The following CTNNA2 variants were observed in gnomAD, a reference collection of about 807,000 sequenced individuals.
The protein encoded by CTNNA2 is catenin alpha 2.
A neutral mutation model predicts 101.0 loss-of-function variants in CTNNA2; 42 were observed. The ratio of observed to expected loss-of-function variants is 0.42; its 90% CI spans 0.32 to 0.54. The LOEUF (loss-of-function observed/expected upper bound fraction) is 0.54, where lower values mean the gene tolerates loss of function less well. Ranked by LOEUF, CTNNA2 falls within the 20% of genes least tolerant of loss-of-function variation. The probability of loss-of-function intolerance (pLI) is 0.14; values close to 1 mark genes in which losing one functional copy is unlikely to be tolerated. For missense variants in CTNNA2, 871 were observed against 1,223.1 expected (o/e 0.71, Z 4.29); for synonymous variants, 450 against 456.4 (o/e 0.99, Z 0.18).
intron 8 of CTNNA2, among the ~76,000 whole-genome samples, chr2:80,417,228 GATAAC>G (rs1680122665): frequency 6.6e-6 from 1 of 150,990 alleles, no homozygotes; most frequent in African/African-American, 2.4e-5. Context: ...ATTAAATTAA[GATAAC>G]ATATTAATCA....
intron 7 of CTNNA2, among the ~76,000 whole-genome samples, chr2:80,038,317 GA>G (rs34177810): frequency 0.023 from 3,430 of 151,546 alleles, 131 homozygotes; most frequent in African/African-American, 0.078. Flanking sequence ...TATAATTAAA[GA>G]AAAAAAAACT....
chr2:80,557,575 C>T lies in CTNNA2; in HGVS notation c.1741+1682C>T, dbSNP rs558793621. Among the ~76,000 whole-genome samples the T allele has an allele frequency of 2.7e-3, 404 of 152,168 alleles. 3 individuals are homozygous for T. Among genetic ancestry groups the T allele is most frequent in the African/African-American group, 9.4e-3 (392 of 41,492 alleles). ...CCTAGAGACAGGACTCAGTTCCTGC[C>T]CACTCATGACTGGTGGGAAGGACAC... On this transcript the variant is annotated intron_variant, in intron 12 of 18. Coordinates refer to ENST00000402739, the MANE Select transcript of CTNNA2 (RefSeq NM_001282597.3).
intron 7 of CTNNA2, among the ~76,000 whole-genome samples, chr2:80,137,254 G>A (rs1225984431): frequency 6.6e-6 from 1 of 152,128 alleles, no homozygotes; most frequent in Non-Finnish European, 1.5e-5. Flanking sequence ...TCTACACTGA[G>A]CCTAATTGAG....
At chr2:80,155,407 C>T (rs1424266854) in intron 7 of CTNNA2, among the ~76,000 whole-genome samples, 6 of 152,106 alleles carry the variant, frequency 3.9e-5, no homozygotes, top group East Asian at 1.9e-4. Flanking sequence ...CTGGGAAATA[C>T]GGGAAAACAA....
Position 80,316,559 on chromosome 2 carries a change from C to T in CTNNA2, c.1057-76652C>T, listed in dbSNP as rs568842334. ...CACAATTTAAGCATCTGGCATGTGCCGGCTGCTGGTCTCCCCTAGTTTGTT... is the reference window on the plus strand; with the variant it reads ...CACAATTTAAGCATCTGGCATGTGCTGGCTGCTGGTCTCCCCTAGTTTGTT... On this transcript the variant is annotated intron_variant, in intron 7 of 18. Coordinates refer to ENST00000402739, the MANE Select transcript of CTNNA2 (RefSeq NM_001282597.3). Among the ~76,000 whole-genome samples, 42 of 152,186 alleles carry T rather than the reference C, an allele frequency of 2.8e-4. 1 individual carries two copies. Among genetic ancestry groups the T allele is most frequent in the African/African-American group, 7.9e-4 (33 of 41,524 alleles).
intron 14 of CTNNA2, among the ~76,000 whole-genome samples, chr2:80,585,356 A>G (rs527958311): frequency 3.0e-4 from 46 of 152,118 alleles, no homozygotes; most frequent in African/African-American, 1.1e-3. Context: ...GCTGGGAGGG[A>G]CTCTGGGGTA....
chr2:80,555,614 A>G, intron 11 of CTNNA2, 79 bp from the exon 12 acceptor site: 1 of 792,852 alleles, frequency 1.3e-6, no homozygotes. Context: ...GCAAGGGCTC[A>G]TGAGAGTTGA....
At chr2:80,388,602 A>G (rs576193488) in intron 7 of CTNNA2, among the ~76,000 whole-genome samples, 2 of 152,158 alleles carry the variant, frequency 1.3e-5, no homozygotes, top group Non-Finnish European at 2.9e-5. Context: ...GAGTCTAGAG[A>G]TGTGGCCAGG....
rs1678415774 is a variant in CTNNA2 at position 79,411,856 on chromosome 2, G to A, written c.-135+37843G>A. Among the ~76,000 whole-genome samples the A allele has an allele frequency of 2.0e-5, 3 of 152,004 alleles. No individual in the cohort carries two copies. In the South Asian group the frequency reaches 6.2e-4, roughly 32 times the overall value. On this transcript the variant is annotated intron_variant, in intron 4 of 21. Transcript: ENST00000466387. ...CATCAACTAACGAGCAAAATAACCA[G>A]CTAACATCATAATGACAGAATCAAA...
At chr2:79,355,751 C>A (rs1405066912) in intron 3 of CTNNA2, among the ~76,000 whole-genome samples, 1 of 152,086 alleles carries the variant, frequency 6.6e-6, no homozygotes, top group Non-Finnish European at 1.5e-5. Context: ...TCTAGGTTAT[C>A]CACATTTTAA....
chr2:79,707,195 G>C (rs1685441110), intron 2 of CTNNA2, among the ~76,000 whole-genome samples: 1 of 152,182 alleles, frequency 6.6e-6, no homozygotes, highest in African/African-American at 2.4e-5. Flanking sequence ...TTGGTGAAAA[G>C]AAGATGGTAG....
chr2:80,386,581 C>T (rs1453810337), intron 7 of CTNNA2, among the ~76,000 whole-genome samples: 1 of 152,086 alleles, frequency 6.6e-6, no homozygotes, highest in African/African-American at 2.4e-5. Context: ...TTTTCTTCTC[C>T]CTCCTGTTGT....
chr2:79,727,068 CA>C (rs1169662558), intron 2 of CTNNA2, among the ~76,000 whole-genome samples: 2 of 152,194 alleles, frequency 1.3e-5, no homozygotes, highest in Non-Finnish European at 2.9e-5. Flanking sequence ...TTAGCAAACC[CA>C]AGACTTCTCA....
At chr2:79,284,636 T>C (rs1462501045) in intron 2 of CTNNA2, among the ~76,000 whole-genome samples, 1 of 149,680 alleles carries the variant, frequency 6.7e-6, no homozygotes, top group African/African-American at 2.4e-5. Context: ...GATAAGCTTT[T>C]TGATGTGCTG....
chr2:79,519,549 T>A (rs12713988), intron 1 of CTNNA2, among the ~76,000 whole-genome samples: 1 of 152,010 alleles, frequency 6.6e-6, no homozygotes, highest in Non-Finnish European at 1.5e-5. Flanking sequence ...TGACTTAGAC[T>A]TATATCTAGC....
chr2:80,527,082 G>A (rs958555564), intron 9 of CTNNA2, among the ~76,000 whole-genome samples: 22 of 152,172 alleles, frequency 1.4e-4, no homozygotes, highest in African/African-American at 5.1e-4. Flanking sequence ...TGTGCTTTTT[G>A]TGTCAAAACA....
chr2:80,150,087 A>T (rs1195195927), intron 7 of CTNNA2, among the ~76,000 whole-genome samples: 1 of 152,000 alleles, frequency 6.6e-6, no homozygotes, highest in African/African-American at 2.4e-5. Context: ...TGGTCAAGTG[A>T]TTTGTTGCCA....
intron 2 of CTNNA2, among the ~76,000 whole-genome samples, chr2:79,234,972 T>A (rs1360508409): frequency 6.6e-6 from 1 of 152,220 alleles, no homozygotes; most frequent in Non-Finnish European, 1.5e-5. Flanking sequence ...AACTTTCTCC[T>A]TGATCCCATT....
At chr2:79,542,478 T>G (rs752911730) in intron 1 of CTNNA2, among the ~76,000 whole-genome samples, 33 of 152,308 alleles carry the variant, frequency 2.2e-4, no homozygotes, top group Non-Finnish European at 4.9e-4. Context: ...TTAAACAGAA[T>G]GTCTCAATTT....
Sources: allele counts gnomAD v4.1 joint callset (sites outside exome capture counted in the v4.1 genomes callset), GRCh38; gene constraint gnomAD v4.1.1; transcripts MANE v1.5; gene names NCBI Gene and HGNC (gene_info 2026-07-23, HGNC 2026-07-21).